Variants in CACNA2D3 observed in about 807,000 individuals in gnomAD.
The protein encoded by CACNA2D3 is calcium voltage-gated channel auxiliary subunit alpha2delta 3.
A neutral mutation model predicts 160.6 loss-of-function variants in CACNA2D3; 60 were observed. The ratio of observed to expected loss-of-function variants is 0.37; its 90% CI spans 0.30 to 0.46. The LOEUF (loss-of-function observed/expected upper bound fraction) is 0.46. Ranked by LOEUF, CACNA2D3 falls within the 20% of genes least tolerant of loss-of-function variation. The pLI is 1.00. For synonymous variants in CACNA2D3, 558 were observed against 492.9 expected (o/e 1.13, Z -1.75); for missense variants, 1,205 against 1,365.0 (o/e 0.88, Z 1.85).
At chr3:54,675,516 G>A (rs193269706) in intron 11 of CACNA2D3, among the ~76,000 whole-genome samples, 20 of 152,270 alleles carry the variant, frequency 1.3e-4, no homozygotes, top group African/African-American at 4.6e-4. Context: ...TGGTCAGTCA[G>A]TCCTCTTCAT....
chr3:55,039,123 G>A (rs1422447092), intron 35 of CACNA2D3, among the ~76,000 whole-genome samples: 9 of 151,738 alleles, frequency 5.9e-5, no homozygotes, highest in Admixed American at 1.3e-4. Context: ...TAGCATCTTC[G>A]CAAAATACAT....
chr3:54,657,492 A>G (rs1481347834), intron 11 of CACNA2D3, among the ~76,000 whole-genome samples: 1 of 152,142 alleles, frequency 6.6e-6, no homozygotes, highest in Non-Finnish European at 1.5e-5. Flanking sequence ...CATCTTGTAT[A>G]ACGGTAACTT....
At chr3:54,800,743 AC>A (rs796715194) in intron 13 of CACNA2D3, among the ~76,000 whole-genome samples, 4 of 152,310 alleles carry the variant, frequency 2.6e-5, no homozygotes, top group African/African-American at 9.6e-5. Flanking sequence ...TACTACTAGA[AC>A]AAAAACTCCA....
At chr3:54,253,212 G>C (rs773630515) in intron 2 of CACNA2D3, among the ~76,000 whole-genome samples, 21 of 151,808 alleles carry the variant, frequency 1.4e-4, no homozygotes, top group Non-Finnish European at 2.5e-4. Flanking sequence ...GAGAGCAAGA[G>C]AGTATGGGTG....
At chr3:54,345,845 T>TAA (rs1553630984) in intron 3 of CACNA2D3, among the ~76,000 whole-genome samples, 1,707 of 151,184 alleles carry the variant, frequency 0.011, 35 homozygotes, top group African/African-American at 0.038. Flanking sequence ...TTTTTTTTTT[T>TAA]AAAAAAATTG....
At chr3:54,873,217 TAA>T (rs1684878058) in intron 18 of CACNA2D3, among the ~76,000 whole-genome samples, 1 of 151,898 alleles carries the variant, frequency 6.6e-6, no homozygotes. Flanking sequence ...TTCTGGGGAG[TAA>T]GTAAGCATTC....
rs150247134 is a variant in CACNA2D3, at chr3:54,772,355, T to C, written c.1380+8004T>C. ...AAATAGCTTAAAAATGACCCGTGAG[T>C]ATAGTGCTTTCGCTATTAATTATAC... On this transcript the variant is annotated intron_variant, in intron 13 of 37. Transcript: ENST00000474759. 5.6e-3 allele frequency among the ~76,000 whole-genome samples: 856 copies of C among 151,972 alleles called. 13 individuals are homozygous for C. The highest frequency in any genetic ancestry group is 0.019 in the African/African-American group (807 of 41,410).
chr3:54,350,974 T>TTG (rs1698545346), intron 3 of CACNA2D3, among the ~76,000 whole-genome samples: 1 of 45,002 alleles, frequency 2.2e-5, no homozygotes, highest in Non-Finnish European at 4.8e-5. Context: ...GTCTGTTTTT[T>TTG]TTTTTTTGTT....
chr3:54,901,576 C>G (rs1246994191), intron 27 of CACNA2D3, among the ~76,000 whole-genome samples: 3 of 152,090 alleles, frequency 2.0e-5, no homozygotes, highest in African/African-American at 7.2e-5. Context: ...ACAGTTTGGT[C>G]CACCCTGAGT....
intron 3 of CACNA2D3, among the ~76,000 whole-genome samples, chr3:54,334,576 G>T (rs141477394): frequency 2.6e-5 from 4 of 152,176 alleles, no homozygotes; most frequent in Non-Finnish European, 4.4e-5. Flanking sequence ...TGAAATGGAC[G>T]TGTTCTCATG....
intron 17 of CACNA2D3, 140 bp from the exon 18 acceptor site, chr3:54,871,399 C>G: frequency 3.4e-6 from 2 of 593,476 alleles, no homozygotes; most frequent in South Asian, 4.8e-5. Context: ...CTAGGACTGT[C>G]ACCCTGCTGG....
At chr3:54,931,754 A>T (rs1030443193) in intron 27 of CACNA2D3, among the ~76,000 whole-genome samples, 7 of 152,320 alleles carry the variant, frequency 4.6e-5, no homozygotes, top group African/African-American at 1.4e-4. Flanking sequence ...ATGTTTTCTA[A>T]TATGTTAGTC....
At chr3:54,137,733 G>A (rs918971397) in intron 2 of CACNA2D3, among the ~76,000 whole-genome samples, 34 of 152,262 alleles carry the variant, frequency 2.2e-4, no homozygotes, top group African/African-American at 7.5e-4. Flanking sequence ...TCTATTCAAC[G>A]CAAGTTGACT....
At chr3:54,991,740 G>C (rs557932537) in intron 31 of CACNA2D3, among the ~76,000 whole-genome samples, 48 of 152,260 alleles carry the variant, frequency 3.2e-4, no homozygotes, top group African/African-American at 1.1e-3. Flanking sequence ...ATTCTCCACT[G>C]TGTGGCCATG....
intron 14 of CACNA2D3, among the ~76,000 whole-genome samples, chr3:54,833,845 G>A (rs1056440760): frequency 6.6e-6 from 1 of 152,062 alleles, no homozygotes; most frequent in Non-Finnish European, 1.5e-5. Context: ...ATGATGAACT[G>A]GTATACATAG....
chr3:54,181,696 A>G (rs1031710884), intron 2 of CACNA2D3, among the ~76,000 whole-genome samples: 1 of 152,148 alleles, frequency 6.6e-6, no homozygotes, highest in South Asian at 2.1e-4. Context: ...TTTCACGTAA[A>G]TTATTTCATT....
At chr3:55,001,632 A>G (rs1012070343) in intron 31 of CACNA2D3, among the ~76,000 whole-genome samples, 5 of 152,192 alleles carry the variant, frequency 3.3e-5, no homozygotes, top group East Asian at 1.9e-4. Flanking sequence ...CATTTTCACT[A>G]TGTCACATTG....
At chr3:54,138,356 G>A (rs1017874371) in intron 2 of CACNA2D3, among the ~76,000 whole-genome samples, 1 of 152,248 alleles carries the variant, frequency 6.6e-6, no homozygotes, top group Non-Finnish European at 1.5e-5. Context: ...GTGAGAGAGA[G>A]CGGGGAGATT....
At chr3:55,038,614 G>A (rs1426044000) in intron 35 of CACNA2D3, among the ~76,000 whole-genome samples, 1 of 151,954 alleles carries the variant, frequency 6.6e-6, no homozygotes, top group African/African-American at 2.4e-5. Flanking sequence ...TAGAATTCAT[G>A]TTAGCCTGTT....
Sources: allele counts gnomAD v4.1 joint callset (sites outside exome capture counted in the v4.1 genomes callset), GRCh38; gene constraint gnomAD v4.1.1; transcripts MANE v1.5; gene names NCBI Gene and HGNC (gene_info 2026-07-23, HGNC 2026-07-21).